Variants in SEC11C observed in about 807,000 individuals in gnomAD.
The protein encoded by SEC11C is signal peptidase complex catalytic subunit SEC11C.
Under a neutral mutation model 21.9 loss-of-function variants are expected in SEC11C, and 10 were observed. That is an observed-to-expected ratio of 0.46 (90% CI 0.28 to 0.77). The LOEUF is 0.77. Ranked by LOEUF, SEC11C falls within the 30% of genes least tolerant of loss-of-function variation. SEC11C has a pLI of 0.12. For missense variants in SEC11C, 145 were observed against 244.5 expected, an observed-to-expected ratio of 0.59 and a Z score of 2.71; for synonymous variants, 83 against 85.6, an observed-to-expected ratio of 0.97 and a Z score of 0.17.
At position 59,157,681 on chromosome 18, in the gene SEC11C, T is replaced by C. The variant is rs758555283; in HGVS notation, c.525+16T>C. 1 of 1,530,954 alleles carries C rather than the reference T, an allele frequency of 6.5e-7. No individual in the cohort carries two copies. Among genetic ancestry groups the C allele is most frequent in the African/African-American group, 1.4e-5 (1 of 73,318 alleles). The allele number at this position is 1,530,954 out of a possible 1,614,324, so 94.8% of individuals were successfully genotyped here. Reference sequence around the variant, plus strand: ...AAAATTCAAGGTAGGAATTTATGTGTGTCTATATTTATTTACTTCGTTAAA... The same window carrying C: ...AAAATTCAAGGTAGGAATTTATGTGCGTCTATATTTATTTACTTCGTTAAA... On this transcript the variant is annotated intron_variant, in intron 5 of 5. Transcript: ENST00000587834.
rs2069448639 is a variant in SEC11C, at chr18:59,158,781, G to GA, written c.*98dup. ...GATGTTCCATTTTCTGTATAAAAGG[G>GA]AACAGTGTGGAGATGTTTTTGTCTT... On this transcript the variant is annotated 3_prime_UTR_variant, in exon 6 of 6. Coordinates refer to ENST00000587834, the MANE Select transcript of SEC11C (RefSeq NM_033280.4). The GA allele has an allele frequency of 9.7e-7, 1 of 1,034,228 alleles. No individual in the cohort carries two copies. Among genetic ancestry groups the GA allele is most frequent in the Middle Eastern group, 2.1e-4 (1 of 4,680 alleles). The allele number at this position is 1,034,228 out of a possible 1,614,324, so 64.1% of individuals were successfully genotyped here.
intron 4 of SEC11C, 101 bp downstream of exon 4, chr18:59,155,908 A>G: frequency 8.8e-6 from 12 of 1,356,784 alleles, no homozygotes; most frequent in Non-Finnish European, 1.1e-5. Context: ...CAAATATGAC[A>G]TATCAGGAGA....
At chr18:59,142,731 C>T (rs78819182) in intron 1 of SEC11C, among the ~76,000 whole-genome samples, 1,560 of 152,198 alleles carry the variant, frequency 0.01, 10 homozygotes, top group South Asian at 0.032. Flanking sequence ...TGATTTTTTC[C>T]GTTATGCTCT....
chr18:59,150,481 A>G (rs1177887165), intron 2 of SEC11C, among the ~76,000 whole-genome samples: 1 of 152,192 alleles, frequency 6.6e-6, no homozygotes, highest in Non-Finnish European at 1.5e-5. Flanking sequence ...ACACTTCTAG[A>G]GATCGCGTTT....
At chr18:59,147,850 G>A (rs1344168307) in intron 1 of SEC11C, 1 of 152,342 alleles carries the variant, frequency 6.6e-6, no homozygotes, top group Non-Finnish European at 1.5e-5. Flanking sequence ...CCTGGTGGGG[G>A]TTATGGCTCC....
chr18:59,140,131 GC>G, intron 1 of SEC11C, 96 bp downstream of exon 1: 1 of 1,122,366 alleles, frequency 8.9e-7, no homozygotes, highest in East Asian at 2.8e-5. Flanking sequence ...CCCAGTGAAT[GC>G]GGCCGGGCGG....
intron 1 of SEC11C, among the ~76,000 whole-genome samples, chr18:59,143,744 A>G (rs2069238136): frequency 6.6e-6 from 1 of 152,148 alleles, no homozygotes; most frequent in African/African-American, 2.4e-5. Context: ...GTGTTTGGTC[A>G]TGTCATTAAA....
intron 5 of SEC11C, among the ~76,000 whole-genome samples, 167 bp from the exon 6 acceptor site, chr18:59,158,465 C>T (rs542387224): frequency 5.9e-5 from 9 of 152,094 alleles, no homozygotes; most frequent in African/African-American, 1.2e-4. Context: ...GGTTTTTGAC[C>T]ATAATGTAGC....
intron 1 of SEC11C, among the ~76,000 whole-genome samples, chr18:59,141,677 T>C (rs921503073): frequency 7.9e-5 from 12 of 151,788 alleles, no homozygotes; most frequent in Admixed American, 6.6e-4. Context: ...TTTTTTTTTT[T>C]CTCTTCTTCC....
At chr18:59,141,294 G>A (rs969894318) in intron 1 of SEC11C, among the ~76,000 whole-genome samples, 1 of 152,210 alleles carries the variant, frequency 6.6e-6, no homozygotes, top group Non-Finnish European at 1.5e-5. Flanking sequence ...TCTGGAAGAT[G>A]AGTTGTAGTA....
chr18:59,154,567 T>A (rs1166505191), intron 3 of SEC11C, among the ~76,000 whole-genome samples: 1 of 152,244 alleles, frequency 6.6e-6, no homozygotes, highest in African/African-American at 2.4e-5. Flanking sequence ...TTTGTGATTC[T>A]TGTTTCCTTG....
chr18:59,148,461 C>T (rs996694213), intron 1 of SEC11C, among the ~76,000 whole-genome samples: 8 of 152,234 alleles, frequency 5.3e-5, no homozygotes, highest in African/African-American at 1.9e-4. Context: ...CAAGGAAGAG[C>T]CTGTGCTTCA....
intron 4 of SEC11C, 94 bp downstream of exon 4, chr18:59,155,901 A>T: frequency 5.7e-6 from 8 of 1,401,276 alleles, no homozygotes; most frequent in Non-Finnish European, 7.9e-6. Context: ...TTAATTACAA[A>T]TATGACATAT....
intron 3 of SEC11C, among the ~76,000 whole-genome samples, chr18:59,153,730 T>C (rs996191142): frequency 3.3e-5 from 5 of 151,708 alleles, no homozygotes; most frequent in Non-Finnish European, 7.4e-5. Flanking sequence ...TTTTTTTTTT[T>C]TTTTGAGGCT....
chr18:59,145,350 C>T (rs1384498449), intron 1 of SEC11C, among the ~76,000 whole-genome samples: 2 of 152,166 alleles, frequency 1.3e-5, no homozygotes, highest in African/African-American at 4.8e-5. Context: ...TACTGTCTAG[C>T]CCTTTACACA....
intron 1 of SEC11C, among the ~76,000 whole-genome samples, chr18:59,148,682 C>T (rs1397369785): frequency 3.3e-5 from 5 of 151,666 alleles, no homozygotes; most frequent in Non-Finnish European, 5.9e-5. Flanking sequence ...CGTGCAGTCA[C>T]GGCTCACTGC....
intron 1 of SEC11C, among the ~76,000 whole-genome samples, chr18:59,145,751 A>G (rs1474066161): frequency 1.3e-5 from 2 of 152,214 alleles, no homozygotes; most frequent in Admixed American, 1.3e-4. Context: ...GTTTCCATCA[A>G]TGGTGGACTG....
Position 59,154,116 on chromosome 18 carries a change from C to G in SEC11C, c.347+1431C>G, listed in dbSNP as rs973250182. ...TTCAACCTGTGGTGATACACTGGTC[C>G]TGTACTAACGGTTACTTGATGCCTA... On this transcript the variant is annotated intron_variant, in intron 3 of 5. Coordinates refer to ENST00000587834, the MANE Select transcript of SEC11C (RefSeq NM_033280.4). 2.0e-5 allele frequency among the ~76,000 whole-genome samples: 3 copies of G among 152,292 alleles called. No individual in the cohort carries two copies. In the East Asian group the frequency reaches 5.8e-4, roughly 29 times the overall value.
At chr18:59,144,726 TAAAAAAA>T (rs5825314) in intron 1 of SEC11C, among the ~76,000 whole-genome samples, 93 of 98,594 alleles carry the variant, frequency 9.4e-4, no homozygotes, top group African/African-American at 3.4e-3. Context: ...CCTTGTATCT[TAAAAAAA>T]AAAAAAAAAA....
Sources: allele counts gnomAD v4.1 joint callset (sites outside exome capture counted in the v4.1 genomes callset), GRCh38; gene constraint gnomAD v4.1.1; transcripts MANE v1.5; gene names NCBI Gene and HGNC (gene_info 2026-07-23, HGNC 2026-07-21).